The following DNAH7 variants were observed in gnomAD, a reference collection of about 807,000 sequenced individuals.
DNAH7 encodes the protein dynein axonemal heavy chain 7.
Under a neutral mutation model 444.6 loss-of-function variants are expected in DNAH7, and 397 were observed. That is an observed-to-expected ratio of 0.89 (90% CI 0.82 to 0.97). The LOEUF is 0.97. Among genes scored for constraint, DNAH7 ranks in the 50% least tolerant of loss-of-function variants. The pLI is 0.00. For missense variants in DNAH7, 4,902 were observed against 4,800.8 expected (o/e 1.02, Z -0.62); for synonymous variants, 1,636 against 1,624.4 (o/e 1.01, Z -0.17).
chr2:195,802,816 A>C (rs922072750), intron 54 of DNAH7, among the ~76,000 whole-genome samples: 1 of 152,096 alleles, frequency 6.6e-6, no homozygotes, highest in African/African-American at 2.4e-5. Context: ...GATAATGTAC[A>C]TTGTACCCCT....
At chr2:196,023,100 T>C (rs903524597) in intron 8 of DNAH7, among the ~76,000 whole-genome samples, 1 of 152,090 alleles carries the variant, frequency 6.6e-6, no homozygotes, top group African/African-American at 2.4e-5. Context: ...AACTGGATCA[T>C]GGGGACAGGT....
chr2:195,884,794 A>G lies in DNAH7; in HGVS notation c.5554T>C (p.Ser1852Pro), dbSNP rs1701613495. Residue 1852 changes from serine (S) to proline (P), a missense_variant, in exon 35 of 65, where the codon TCA (serine) becomes CCA (proline). Transcript: ENST00000312428. ...GAAGCACCAACGGACCAGATCAATGAAAACAGAAAAATGCCCTGCATTGGA... is the reference window on the plus strand; with the variant it reads ...GAAGCACCAACGGACCAGATCAATGGAAACAGAAAAATGCCCTGCATTGGA... ...YSLLEGIFLF[S>P]LIWSVGASCT... 3 of 1,612,146 alleles carry G rather than the reference A, an allele frequency of 1.9e-6. No individual in the cohort carries two copies. Among genetic ancestry groups the G allele is most frequent in the Non-Finnish European group, 2.5e-6 (3 of 1,179,292 alleles).
At chr2:195,749,650 C>T (rs551910618) in intron 63 of DNAH7, among the ~76,000 whole-genome samples, 1 of 151,272 alleles carries the variant, frequency 6.6e-6, no homozygotes, top group South Asian at 2.1e-4. Flanking sequence ...TACTATGCAG[C>T]CATAAAAAAT....
At chr2:195,768,665 A>C (rs1285704070) in intron 61 of DNAH7, among the ~76,000 whole-genome samples, 1 of 152,114 alleles carries the variant, frequency 6.6e-6, no homozygotes, top group African/African-American at 2.4e-5. Context: ...ATGCCTGATG[A>C]CTAACCTGCC....
chr2:195,991,203 CAT>C (rs1377230759), intron 12 of DNAH7, among the ~76,000 whole-genome samples: 2 of 151,928 alleles, frequency 1.3e-5, no homozygotes, highest in South Asian at 2.1e-4. Flanking sequence ...TAAACTGACT[CAT>C]AGTTTGCCTA....
chr2:195,916,777 G>C (rs1687705101), intron 24 of DNAH7, among the ~76,000 whole-genome samples: 1 of 152,012 alleles, frequency 6.6e-6, no homozygotes, highest in African/African-American at 2.4e-5. Flanking sequence ...AGAGTCATTT[G>C]AAGCCTGGAG....
At chr2:195,905,665 G>T (rs1339240772) in intron 27 of DNAH7, 2 of 151,976 alleles carry the variant, frequency 1.3e-5, no homozygotes, top group African/African-American at 2.4e-5. Flanking sequence ...ATCAGAAAAG[G>T]ATATAAAATG....
At chr2:196,047,227 C>A (rs1032680380) in intron 5 of DNAH7, 125 bp downstream of exon 5, 4 of 708,130 alleles carry the variant, frequency 5.6e-6, no homozygotes, top group Non-Finnish European at 8.4e-6. Context: ...TATTTATACT[C>A]TGACCTCATT....
chr2:195,866,132 G>A (rs1392391038), intron 40 of DNAH7, among the ~76,000 whole-genome samples: 1 of 152,178 alleles, frequency 6.6e-6, no homozygotes, highest in Non-Finnish European at 1.5e-5. Flanking sequence ...GAAAATGTCT[G>A]CATCAACTTC....
chr2:195,883,725 T>C (rs1701552951), intron 35 of DNAH7, among the ~76,000 whole-genome samples: 1 of 152,148 alleles, frequency 6.6e-6, no homozygotes, highest in African/African-American at 2.4e-5. Flanking sequence ...TTGGGCACAG[T>C]CGCGCCTTTT....
chr2:195,799,382 C>CTAAA lies in DNAH7; in HGVS notation c.10266_10267insTTTA (p.Asp3423PhefsTer4). 6.2e-7 allele frequency: 1 copy of CTAAA among 1,612,556 alleles called. No homozygotes were observed. Among genetic ancestry groups the CTAAA allele is most frequent in the Non-Finnish European group, 8.5e-7 (1 of 1,179,262 alleles). On this transcript the variant is annotated frameshift_variant, in exon 55 of 65. Coordinates refer to ENST00000312428, the MANE Select transcript of DNAH7 (RefSeq NM_018897.3). LOFTEE classifies it high-confidence loss of function. ...ATCAGTGGTGCACAGCAGTTACTGT[C>CTAAA]TCCAAATGCCTTGGCTAAATCAAAG...
At chr2:195,883,681 C>CA (rs1198361494) in intron 35 of DNAH7, among the ~76,000 whole-genome samples, 1 of 152,084 alleles carries the variant, frequency 6.6e-6, no homozygotes, top group Non-Finnish European at 1.5e-5. Context: ...GTATTATCAG[C>CA]AATTTGAAAT....
At chr2:195,934,196 T>G (rs1688892625) in intron 21 of DNAH7, among the ~76,000 whole-genome samples, 1 of 152,198 alleles carries the variant, frequency 6.6e-6, no homozygotes, top group Non-Finnish European at 1.5e-5. Context: ...GCATTTCATA[T>G]ATACACCGAA....
At chr2:196,059,496 C>T (rs1369752915) in intron 1 of DNAH7, among the ~76,000 whole-genome samples, 3 of 152,172 alleles carry the variant, frequency 2.0e-5, no homozygotes, top group African/African-American at 7.2e-5. Context: ...CCTTTGACAA[C>T]CAGCATATTA....
chr2:195,839,657 C>T (rs1451637430), intron 47 of DNAH7, among the ~76,000 whole-genome samples: 3 of 151,600 alleles, frequency 2.0e-5, no homozygotes, highest in Non-Finnish European at 4.4e-5. Context: ...CACAAATTAT[C>T]AAATCAGAAG....
intron 58 of DNAH7, 38 bp from the exon 59 acceptor site, chr2:195,778,023 C>T (rs1695144885): frequency 1.3e-6 from 2 of 1,518,362 alleles, no homozygotes; most frequent in Non-Finnish European, 1.8e-6. Context: ...TTATCAGTAG[C>T]ATGTTATACA....
chr2:195,936,746 C>A lies in DNAH7; in HGVS notation c.3125G>T (p.Arg1042Met), dbSNP rs757074481. The change falls in exon 20 of 65, where the codon AGG becomes ATG. Residue 1042 changes from arginine (R) to methionine (M), a missense_variant. Coordinates refer to ENST00000312428, the MANE Select transcript of DNAH7 (RefSeq NM_018897.3). ...CAAAAGTTCATTAGATTTTTTCAGC[C>A]TTTCCAGCATTCTGTCAATGGTTAC... ...TVVTIDRMLE[R>M]LKKSNELLEL... The A allele has an allele frequency of 6.3e-7, 1 of 1,595,344 alleles. No homozygotes were observed. The highest frequency in any genetic ancestry group is 2.3e-5 in the East Asian group (1 of 44,326).
intron 12 of DNAH7, 133 bp from the exon 13 acceptor site, chr2:195,988,362 T>G: frequency 1.3e-6 from 1 of 771,014 alleles, no homozygotes; most frequent in Non-Finnish European, 1.9e-6. Context: ...GTTTAACCTC[T>G]AATCTATAGA....
At chr2:195,963,768 TTTTGA>T (rs1363305157) in intron 17 of DNAH7, among the ~76,000 whole-genome samples, 2 of 152,228 alleles carry the variant, frequency 1.3e-5, no homozygotes, top group South Asian at 4.1e-4. Context: ...CTTTAATCCA[TTTTGA>T]TTTGATTTTT....
Sources: gnomAD v4.1 joint callset for allele counts (sites outside exome capture counted in the v4.1 genomes callset) on GRCh38, gnomAD v4.1.1 for gene constraint, MANE v1.5 for transcripts, NCBI Gene and HGNC (gene_info 2026-07-23, HGNC 2026-07-21) for gene names.